Variants in AMMECR1 observed in about 807,000 individuals in gnomAD.
The protein encoded by AMMECR1 is nuclear protein AMMECR1.
AMMECR1 carries 3 observed loss-of-function variants against 22.5 expected under a neutral mutation model. That is an observed-to-expected ratio of 0.13 (90% CI 0.06 to 0.35). The LOEUF is 0.35. Among genes scored for constraint, AMMECR1 ranks in the 10% least tolerant of loss-of-function variants. The pLI, the probability that AMMECR1 is intolerant of heterozygous loss-of-function variation, is 1.00. For synonymous variants in AMMECR1, 130 were observed against 116.7 expected (o/e 1.11, Z -0.74); for missense variants, 235 against 278.7 (o/e 0.84, Z 1.12).
intron 1 of AMMECR1, among the ~76,000 whole-genome samples, chrX:110,428,913 C>T (rs922682735): frequency 6.2e-5 from 7 of 112,284 alleles, no homozygotes. Flanking sequence ...ACTTCAGGGT[C>T]CGATGCGACG....
chrX:110,350,841 A>G (rs901825292), intron 2 of AMMECR1, among the ~76,000 whole-genome samples: 5 of 110,020 alleles, frequency 4.5e-5, no homozygotes, highest in Non-Finnish European at 9.5e-5. Flanking sequence ...GCATGGTGGC[A>G]CGCACCCTGT....
At chrX:110,432,183 C>T (rs918169768) in intron 1 of AMMECR1, among the ~76,000 whole-genome samples, 6 of 112,161 alleles carry the variant, frequency 5.3e-5, no homozygotes, top group Non-Finnish European at 9.4e-5. Context: ...TGCCTAGGCT[C>T]GCTCTTGCCA....
At chrX:110,269,643 A>C (rs1569393668) in intron 1 of AMMECR1, among the ~76,000 whole-genome samples, 2 of 111,464 alleles carry the variant, frequency 1.8e-5, no homozygotes. Flanking sequence ...GCTCAAAAAT[A>C]CAACTATATT....
At chrX:110,404,470 C>A (rs1245418541) in intron 2 of AMMECR1, among the ~76,000 whole-genome samples, 2 of 111,897 alleles carry the variant, frequency 1.8e-5, no homozygotes, top group African/African-American at 6.5e-5. Context: ...ACTCCAGGGG[C>A]ATGAACAACT....
intron 2 of AMMECR1, among the ~76,000 whole-genome samples, chrX:110,396,158 C>T (rs2068527011): frequency 9.0e-6 from 1 of 111,128 alleles, no homozygotes; most frequent in African/African-American, 3.3e-5. Context: ...ATTAGTCATA[C>T]CTATTTGTTG....
At chrX:110,343,847 C>T (rs1252912953) in intron 2 of AMMECR1, among the ~76,000 whole-genome samples, 3 of 110,938 alleles carry the variant, frequency 2.7e-5, no homozygotes, top group South Asian at 3.9e-4. Flanking sequence ...TAAAAGAGGA[C>T]ACAAACAAAT....
chrX:110,391,689 T>C (rs563380286), intron 2 of AMMECR1, among the ~76,000 whole-genome samples: 1 of 112,197 alleles, frequency 8.9e-6, no homozygotes, highest in Non-Finnish European at 1.9e-5. Flanking sequence ...AAGTTGTCTT[T>C]AGTGAGAAAC....
chrX:110,298,541 T>C (rs1204201779), intron 1 of AMMECR1, among the ~76,000 whole-genome samples: 1 of 110,001 alleles, frequency 9.1e-6, no homozygotes. Flanking sequence ...GAGAGAAGAG[T>C]AAGCGAAAAG....
chrX:110,355,594 A>G (rs894748376), intron 2 of AMMECR1, among the ~76,000 whole-genome samples: 8 of 112,056 alleles, frequency 7.1e-5, no homozygotes, highest in Admixed American at 6.6e-4. Flanking sequence ...AGTGTTGGTG[A>G]GAATATGGTG....
chrX:110,379,394 C>T (rs2068402634), intron 2 of AMMECR1, among the ~76,000 whole-genome samples: 4 of 112,135 alleles, frequency 3.6e-5, no homozygotes, highest in Admixed American at 2.8e-4. Flanking sequence ...TAGGCTGCTA[C>T]CTTCATTTTA....
chrX:110,350,938 A>G (rs1264308403), intron 2 of AMMECR1, among the ~76,000 whole-genome samples: 1 of 111,720 alleles, frequency 9.0e-6, no homozygotes, highest in East Asian at 2.8e-4. Context: ...GCACCACTAC[A>G]TTCCAGCCTG....
intron 2 of AMMECR1, among the ~76,000 whole-genome samples, chrX:110,403,189 GA>G (rs1297933821): frequency 1.8e-5 from 2 of 111,860 alleles, no homozygotes; most frequent in Admixed American, 1.9e-4. Flanking sequence ...CCAGAGATGT[GA>G]CACCCCCCAG....
intron 3 of AMMECR1, among the ~76,000 whole-genome samples, chrX:110,214,042 T>A (rs1330887835): frequency 9.1e-6 from 1 of 110,281 alleles, no homozygotes; most frequent in African/African-American, 3.3e-5. Context: ...GGTGGGTGGA[T>A]CACGAGGTCA....
At chrX:110,250,265 G>A (rs2067680448) in intron 2 of AMMECR1, among the ~76,000 whole-genome samples, 3 of 111,963 alleles carry the variant, frequency 2.7e-5, no homozygotes, top group Non-Finnish European at 5.6e-5. Flanking sequence ...CCAAGGCAAT[G>A]TCAGGAGACC....
chrX:110,326,119 A>C (rs1032766695), intron 2 of AMMECR1, among the ~76,000 whole-genome samples: 8 of 110,894 alleles, frequency 7.2e-5, no homozygotes, highest in Non-Finnish European at 1.5e-4. Context: ...CCTCCTGAGT[A>C]GCTGGGATTC....
chrX:110,434,074 G>T (rs2068818497), intron 1 of AMMECR1, among the ~76,000 whole-genome samples: 1 of 111,615 alleles, frequency 9.0e-6, no homozygotes, highest in Admixed American at 9.5e-5. Context: ...AGCATCTTGA[G>T]GGATGGCAGG....
upstream of AMMECR1, among the ~76,000 whole-genome samples, chrX:110,318,471 G>C (rs1457655793): frequency 1.8e-5 from 2 of 111,062 alleles, no homozygotes; most frequent in Non-Finnish European, 3.8e-5. Context: ...GGGAAGGAAG[G>C]AGGGAAAGGG....
At chrX:110,303,223 G>C (rs999894185) in intron 1 of AMMECR1, among the ~76,000 whole-genome samples, 2 of 111,558 alleles carry the variant, frequency 1.8e-5, no homozygotes, top group African/African-American at 3.3e-5. Flanking sequence ...GCCCAATGGA[G>C]ACAGGAATCA....
intron 2 of AMMECR1, among the ~76,000 whole-genome samples, chrX:110,226,563 C>T (rs1348981461): frequency 3.6e-5 from 4 of 111,157 alleles, no homozygotes; most frequent in African/African-American, 6.6e-5. Flanking sequence ...GTTGAGATTG[C>T]GCCACTGCAC....
Sources: allele counts gnomAD v4.1 joint callset (sites outside exome capture counted in the v4.1 genomes callset), GRCh38; gene constraint gnomAD v4.1.1; transcripts MANE v1.5; gene names NCBI Gene and HGNC (gene_info 2026-07-23, HGNC 2026-07-21).